SCAPER: variants seen among roughly 807,000 people sequenced by gnomAD.
SCAPER encodes the protein S phase cyclin A-associated protein in the endoplasmic reticulum.
Under a neutral mutation model 182.2 loss-of-function variants are expected in SCAPER, and 98 were observed. The observed-to-expected ratio is 0.54, with a 90% CI of 0.46 to 0.64. SCAPER has a LOEUF of 0.64. SCAPER is among the 30% of genes least tolerant of loss of function. The pLI is 0.00. For missense variants in SCAPER, 1,432 were observed against 1,690.0 expected (o/e 0.85, Z 2.68); for synonymous variants, 605 against 564.6 (o/e 1.07, Z -1.01).
intron 27 of SCAPER, among the ~76,000 whole-genome samples, chr15:76,398,130 CATG>C (rs2044211766): frequency 6.6e-6 from 1 of 152,164 alleles, no homozygotes; most frequent in Admixed American, 6.5e-5. Flanking sequence ...CTCAACTCTA[CATG>C]TTCTAATCTT....
At chr15:76,562,741 T>C (rs571447570) in intron 23 of SCAPER, among the ~76,000 whole-genome samples, 5 of 152,178 alleles carry the variant, frequency 3.3e-5, no homozygotes, top group Admixed American at 6.5e-5. Flanking sequence ...GAGAGACATA[T>C]GTTATGACCC....
intron 17 of SCAPER, among the ~76,000 whole-genome samples, chr15:76,712,639 G>A (rs574679425): frequency 6.2e-4 from 95 of 152,186 alleles, no homozygotes; most frequent in African/African-American, 2.2e-3. Context: ...AGTTCTCCTT[G>A]AAGAGGTCCT....
chr15:76,825,109 T>A (rs1339402799), intron 5 of SCAPER, among the ~76,000 whole-genome samples: 2 of 152,164 alleles, frequency 1.3e-5, no homozygotes, highest in South Asian at 4.1e-4. Flanking sequence ...CACAGTTACC[T>A]CCAAAAAACT....
chr15:76,864,236 G>A (rs770936447), intron 2 of SCAPER, among the ~76,000 whole-genome samples: 32 of 152,120 alleles, frequency 2.1e-4, no homozygotes, highest in Non-Finnish European at 3.4e-4. Flanking sequence ...TTAGCCTTTC[G>A]CTTTGCTTGT....
At chr15:76,690,273 A>G (rs2058281432) in intron 20 of SCAPER, among the ~76,000 whole-genome samples, 2 of 152,168 alleles carry the variant, frequency 1.3e-5, no homozygotes, top group Non-Finnish European at 2.9e-5. Context: ...ATCTATAAAT[A>G]TACTTCAAGT....
At chr15:76,804,762 G>T (rs552030426) in intron 5 of SCAPER, 129 bp from the exon 6 acceptor site, 1 of 483,032 alleles carries the variant, frequency 2.1e-6, no homozygotes. Flanking sequence ...AGCTGCGTAA[G>T]TTACAGATTT....
chr15:76,662,332 A>G (rs2056255009), intron 21 of SCAPER, among the ~76,000 whole-genome samples: 1 of 152,184 alleles, frequency 6.6e-6, no homozygotes, highest in Non-Finnish European at 1.5e-5. Flanking sequence ...CCTGGGACTT[A>G]TAGTAAAATA....
At chr15:76,430,513 A>G (rs554415476) in intron 26 of SCAPER, among the ~76,000 whole-genome samples, 30 of 152,366 alleles carry the variant, frequency 2.0e-4, no homozygotes, top group Middle Eastern at 3.4e-3. Context: ...CCTGGATGTG[A>G]GACATGGAGT....
At chr15:76,657,285 A>T (rs1042376232) in intron 21 of SCAPER, among the ~76,000 whole-genome samples, 3 of 152,168 alleles carry the variant, frequency 2.0e-5, no homozygotes, top group African/African-American at 7.2e-5. Flanking sequence ...ATGCATACAA[A>T]CTAGAAAATC....
chr15:76,396,002 C>T (rs902138442), intron 27 of SCAPER, among the ~76,000 whole-genome samples: 3 of 151,982 alleles, frequency 2.0e-5, no homozygotes, highest in Admixed American at 6.6e-5. Flanking sequence ...TAATCCATTT[C>T]GATTTCTGTA....
At chr15:76,778,840 CTA>C (rs2063909991) in intron 8 of SCAPER, among the ~76,000 whole-genome samples, 3 of 151,884 alleles carry the variant, frequency 2.0e-5, no homozygotes, top group Admixed American at 6.6e-5. Context: ...TACACTTAAA[CTA>C]TATGTTATCT....
intron 1 of SCAPER, among the ~76,000 whole-genome samples, chr15:76,888,359 G>A (rs2073972640): frequency 2.0e-5 from 3 of 152,138 alleles, no homozygotes; most frequent in South Asian, 4.2e-4. Flanking sequence ...CGGAAGGTCG[G>A]TAATAACAAA....
chr15:76,764,932 T>C, intron 14 of SCAPER, 29 bp downstream of exon 14: 2 of 1,383,512 alleles, frequency 1.4e-6, no homozygotes, highest in Non-Finnish European at 2.0e-6. Context: ...CTTCAGACTA[T>C]CATAATTTCC....
intron 1 of SCAPER, among the ~76,000 whole-genome samples, chr15:76,889,674 G>C (rs2074057916): frequency 6.6e-6 from 1 of 152,106 alleles, no homozygotes; most frequent in African/African-American, 2.4e-5. Context: ...CATAAAGCAA[G>C]TCCTTAGAGA....
At chr15:76,564,168 C>A (rs540779141) in intron 23 of SCAPER, among the ~76,000 whole-genome samples, 1 of 152,106 alleles carries the variant, frequency 6.6e-6, no homozygotes, top group East Asian at 1.9e-4. Flanking sequence ...CTGGCCAGGG[C>A]AATCAGGCAA....
At chr15:76,840,272 T>C (rs1443177929) in intron 5 of SCAPER, among the ~76,000 whole-genome samples, 1 of 152,006 alleles carries the variant, frequency 6.6e-6, no homozygotes, top group Non-Finnish European at 1.5e-5. Flanking sequence ...TTTTTAAAAT[T>C]AGCCAGGCAT....
Position 76,574,298 on chromosome 15 carries a change from T to C in SCAPER, c.2712-14A>G, listed in dbSNP as rs374681047. On this transcript the variant is annotated splice_polypyrimidine_tract_variant and intron_variant, in intron 22 of 31. Transcript: ENST00000563290. ...AATCGCTGAAGCCTTTAATACCAAA[T>C]GAAAGGAAAGAATGACATTAATGAA... The C allele has an allele frequency of 3.7e-6, 6 of 1,608,334 alleles. No individual in the cohort carries two copies. The African/African-American group carries it at 5.4e-5, about 14-fold the overall frequency.
intron 2 of SCAPER, among the ~76,000 whole-genome samples, chr15:76,864,181 T>A (rs957545767): frequency 1.3e-5 from 2 of 152,160 alleles, no homozygotes; most frequent in Non-Finnish European, 2.9e-5. Context: ...TTAAAAACCG[T>A]GAGTTTATAC....
At chr15:76,686,228 C>A (rs2058032574) in intron 20 of SCAPER, among the ~76,000 whole-genome samples, 1 of 151,412 alleles carries the variant, frequency 6.6e-6, no homozygotes, top group East Asian at 1.9e-4. Flanking sequence ...AGTAAACAAC[C>A]CAATAGAACT....
Sources: allele counts gnomAD v4.1 joint callset (sites outside exome capture counted in the v4.1 genomes callset), GRCh38; gene constraint gnomAD v4.1.1; transcripts MANE v1.5; gene names NCBI Gene and HGNC (gene_info 2026-07-23, HGNC 2026-07-21).